Variants in PAQR5 observed in about 807,000 individuals in gnomAD.
PAQR5 encodes membrane progestin receptor gamma.
Under a neutral mutation model 34.5 loss-of-function variants are expected in PAQR5, and 20 were observed. That is an observed-to-expected ratio of 0.58 (90% confidence interval 0.41 to 0.84). The LOEUF is 0.84. Ranked by LOEUF, PAQR5 falls within the 40% of genes least tolerant of loss-of-function variation. PAQR5 has a pLI of 0.00. For synonymous variants in PAQR5, 131 were observed against 155.6 expected, an observed-to-expected ratio of 0.84 and a Z score of 1.18; for missense variants, 378 against 412.7, an observed-to-expected ratio of 0.92 and a Z score of 0.73.
At position 69,322,759 on chromosome 15, in the gene PAQR5, A is replaced by G. The variant is rs1317814861; in HGVS notation, c.-276-14582A>G. On this transcript the variant is annotated intron_variant, in intron 1 of 8. Coordinates refer to ENST00000395407, the MANE Select transcript of PAQR5 (RefSeq NM_017705.4). The stretch of plus-strand genomic sequence containing the variant: ...GAAGAAGAAGAAGAAGAAGAAGAAG[A>G]AGAAGAAGAAGAGGGAGAAGAAGAA... 2.8e-3 allele frequency among the ~76,000 whole-genome samples: 129 copies of G among 46,888 alleles called. 16 individuals are homozygous for G. The highest frequency in any genetic ancestry group is 4.0e-3 in the East Asian group (5 of 1,236). 30.8% of individuals were successfully genotyped at this position (46,888 alleles called of 152,430 possible).
At chr15:69,347,947 A>G (rs2054817734) in intron 2 of PAQR5, among the ~76,000 whole-genome samples, 2 of 152,174 alleles carry the variant, frequency 1.3e-5, no homozygotes, top group African/African-American at 4.8e-5. Flanking sequence ...CATTCAACCT[A>G]TAGCACAGGA....
At chr15:69,368,067 T>TC (rs2055450520) in intron 3 of PAQR5, among the ~76,000 whole-genome samples, 1 of 151,628 alleles carries the variant, frequency 6.6e-6, no homozygotes, top group Non-Finnish European at 1.5e-5. Flanking sequence ...TTCTGCTTTT[T>TC]TTTTTAGACC....
At chr15:69,348,049 C>G (rs1452621936) in intron 2 of PAQR5, among the ~76,000 whole-genome samples, 2 of 152,164 alleles carry the variant, frequency 1.3e-5, no homozygotes, top group South Asian at 4.1e-4. Context: ...GGGCAGGGGT[C>G]CATGGACCAC....
At chr15:69,360,620 G>A (rs2055207467) in intron 3 of PAQR5, among the ~76,000 whole-genome samples, 1 of 152,172 alleles carries the variant, frequency 6.6e-6, no homozygotes, top group African/African-American at 2.4e-5. Flanking sequence ...CCATGGGCCT[G>A]GGAGCTCACA....
intron 4 of PAQR5, 131 bp downstream of exon 4, chr15:69,380,141 C>T (rs1365813661): frequency 1.2e-5 from 11 of 942,830 alleles, no homozygotes; most frequent in Non-Finnish European, 1.8e-5. Context: ...TGGGTACACG[C>T]GGGTGAAGGG....
At chr15:69,400,265 G>C in intron 8 of PAQR5, 150 bp downstream of exon 8, 1 of 792,082 alleles carries the variant, frequency 1.3e-6, no homozygotes. Flanking sequence ...CAGAGGTCAG[G>C]ATGTCTGCAG....
intron 1 of PAQR5, among the ~76,000 whole-genome samples, chr15:69,308,510 A>G (rs2053764947): frequency 6.6e-6 from 1 of 152,088 alleles, no homozygotes; most frequent in African/African-American, 2.4e-5. Flanking sequence ...GTATAGCAGC[A>G]TCCCTGGCTT....
intron 1 of PAQR5, among the ~76,000 whole-genome samples, chr15:69,301,081 G>A (rs1055690397): frequency 1.3e-5 from 2 of 150,026 alleles, no homozygotes; most frequent in East Asian, 3.9e-4. Flanking sequence ...TCAGCTAACT[G>A]CAACCTCCGC....
At chr15:69,348,353 C>T (rs1330688807) in intron 2 of PAQR5, among the ~76,000 whole-genome samples, 1 of 152,180 alleles carries the variant, frequency 6.6e-6, no homozygotes, top group Non-Finnish European at 1.5e-5. Flanking sequence ...AACTGAAGCA[C>T]AGGGAGTTAA....
chr15:69,312,417 C>A (rs1272806305), intron 1 of PAQR5, among the ~76,000 whole-genome samples: 1 of 151,988 alleles, frequency 6.6e-6, no homozygotes, highest in African/African-American at 2.4e-5. Flanking sequence ...ATACAGTAAA[C>A]CCCCTACCCT....
chr15:69,306,681 G>C (rs1212473883), intron 1 of PAQR5, among the ~76,000 whole-genome samples: 1 of 152,090 alleles, frequency 6.6e-6, no homozygotes, highest in Non-Finnish European at 1.5e-5. Flanking sequence ...GGGATTACAG[G>C]TGTGAGCCAC....
At chr15:69,360,757 T>C (rs2055211341) in intron 3 of PAQR5, among the ~76,000 whole-genome samples, 2 of 152,234 alleles carry the variant, frequency 1.3e-5, no homozygotes, top group Admixed American at 1.3e-4. Flanking sequence ...CATCATTGTG[T>C]TGCACCCCTT....
At chr15:69,397,819 A>G in intron 7 of PAQR5, 1 of 547,738 alleles carries the variant, frequency 1.8e-6, no homozygotes, top group South Asian at 2.3e-5. Flanking sequence ...TCCTTTTTCT[A>G]CATAGACACA....
At chr15:69,336,026 A>G (rs964238523) in intron 1 of PAQR5, among the ~76,000 whole-genome samples, 3 of 152,206 alleles carry the variant, frequency 2.0e-5, no homozygotes, top group Non-Finnish European at 4.4e-5. Context: ...GGTAAGTGGC[A>G]GGAAAAAAAA....
At chr15:69,323,955 C>T (rs2054187323) in intron 1 of PAQR5, among the ~76,000 whole-genome samples, 1 of 152,046 alleles carries the variant, frequency 6.6e-6, no homozygotes, top group African/African-American at 2.4e-5. Flanking sequence ...TTTTAATAGC[C>T]CCACGGTACA....
chr15:69,346,175 G>T (rs556173869), intron 2 of PAQR5, among the ~76,000 whole-genome samples: 1 of 151,864 alleles, frequency 6.6e-6, no homozygotes, highest in Admixed American at 6.6e-5. Context: ...GGATTATGAC[G>T]GAAAGAAGCT....
intron 1 of PAQR5, among the ~76,000 whole-genome samples, chr15:69,333,510 A>T (rs1169453160): frequency 6.6e-6 from 1 of 152,150 alleles, no homozygotes; most frequent in Non-Finnish European, 1.5e-5. Context: ...CTGGAAGATA[A>T]GGAGGCGTCC....
At chr15:69,371,071 G>A (rs2055547361) in intron 3 of PAQR5, among the ~76,000 whole-genome samples, 1 of 151,894 alleles carries the variant, frequency 6.6e-6, no homozygotes, top group African/African-American at 2.4e-5. Context: ...TGTTGTAATC[G>A]ACATTATCAT....
chr15:69,373,030 A>G (rs1291964004), intron 3 of PAQR5, among the ~76,000 whole-genome samples: 1 of 152,140 alleles, frequency 6.6e-6, no homozygotes. Flanking sequence ...TTCAGCTCCT[A>G]GAGGCTGCCT....
Sources: allele counts gnomAD v4.1 joint callset (sites outside exome capture counted in the v4.1 genomes callset), GRCh38; gene constraint gnomAD v4.1.1; transcripts MANE v1.5; gene names NCBI Gene and HGNC (gene_info 2026-07-23, HGNC 2026-07-21).